The following TEAD1 variants were observed in gnomAD, a reference collection of about 807,000 sequenced individuals.
TEAD1 encodes transcriptional enhancer factor TEF-1.
Under a neutral mutation model 54.9 loss-of-function variants are expected in TEAD1, and 9 were observed. The ratio of observed to expected loss-of-function variants is 0.16; its 90% CI spans 0.10 to 0.29. The LOEUF (loss-of-function observed/expected upper bound fraction) is 0.29, where lower values mean the gene tolerates loss of function less well. Ranked by LOEUF, TEAD1 falls within the 10% of genes least tolerant of loss-of-function variation. The pLI, the probability that TEAD1 is intolerant of heterozygous loss-of-function variation, is 1.00. For synonymous variants in TEAD1, 200 were observed against 187.8 expected (o/e 1.07, Z -0.53); for missense variants, 387 against 535.9 (o/e 0.72, Z 2.74).
At chr11:12,918,318 T>A (rs181313069) in intron 10 of TEAD1, among the ~76,000 whole-genome samples, 1 of 149,808 alleles carries the variant, frequency 6.7e-6, no homozygotes, top group East Asian at 1.9e-4. Context: ...ATTATATATA[T>A]ATAAAATTAT....
chr11:12,893,110 C>T (rs1948231979), intron 9 of TEAD1, among the ~76,000 whole-genome samples: 1 of 152,236 alleles, frequency 6.6e-6, no homozygotes. Context: ...ACCCAGGTGT[C>T]ATTAATGTTC....
intron 3 of TEAD1, among the ~76,000 whole-genome samples, chr11:12,850,001 A>T (rs1028033572): frequency 2.0e-5 from 3 of 152,246 alleles, no homozygotes; most frequent in African/African-American, 7.2e-5. Context: ...CAACATTAGC[A>T]ATAGAAGCAT....
intron 2 of TEAD1, among the ~76,000 whole-genome samples, chr11:12,702,806 A>G (rs1386071517): frequency 6.6e-6 from 1 of 152,128 alleles, no homozygotes; most frequent in Non-Finnish European, 1.5e-5. Flanking sequence ...CATCATCATC[A>G]CCATCATTAT....
intron 3 of TEAD1, among the ~76,000 whole-genome samples, chr11:12,846,480 C>T (rs1210800187): frequency 6.6e-6 from 1 of 152,096 alleles, no homozygotes; most frequent in African/African-American, 2.4e-5. Context: ...GGGCCCGAGC[C>T]ACATAAGTAG....
rs575073476 is a variant in TEAD1 at position 12,871,628 on chromosome 11, C to A, written c.330+6728C>A. On this transcript the variant is annotated intron_variant, in intron 5 of 12. Transcript: ENST00000527636. ...CCCCATTAGCAGCAAAAAGGCAGTC[C>A]TTTCTTGCTGTTTTCAGAAGCTCAC... Among the ~76,000 whole-genome samples the A allele has an allele frequency of 2.0e-5, 3 of 152,196 alleles. No homozygotes were observed. The South Asian group carries it at 6.2e-4, about 32-fold the overall frequency.
At chr11:12,812,746 G>A (rs1441885844) in intron 3 of TEAD1, among the ~76,000 whole-genome samples, 1 of 152,182 alleles carries the variant, frequency 6.6e-6, no homozygotes, top group African/African-American at 2.4e-5. Context: ...ATCAGGCCAT[G>A]CATCTTCACC....
intron 10 of TEAD1, among the ~76,000 whole-genome samples, chr11:12,907,432 C>G (rs1948540274): frequency 6.6e-6 from 1 of 152,218 alleles, no homozygotes; most frequent in Non-Finnish European, 1.5e-5. Context: ...TACAGAGACT[C>G]TGCATTTTGC....
At chr11:12,742,947 G>T (rs1944675410) in intron 2 of TEAD1, among the ~76,000 whole-genome samples, 1 of 152,154 alleles carries the variant, frequency 6.6e-6, no homozygotes, top group Non-Finnish European at 1.5e-5. Context: ...GATGTGGGAG[G>T]GTATTGTCTT....
At chr11:12,883,829 T>C (rs1048428577) in intron 9 of TEAD1, among the ~76,000 whole-genome samples, 6 of 152,014 alleles carry the variant, frequency 3.9e-5, no homozygotes, top group African/African-American at 7.3e-5. Flanking sequence ...TTGGCCAACA[T>C]GGTGAAACCC....
At chr11:12,675,752 A>G (rs1590041235) in intron 2 of TEAD1, among the ~76,000 whole-genome samples, 191 bp downstream of exon 2, 1 of 152,262 alleles carries the variant, frequency 6.6e-6, no homozygotes, top group South Asian at 2.1e-4. Flanking sequence ...TTGTATTTTT[A>G]AAAAATCAAA....
intron 2 of TEAD1, among the ~76,000 whole-genome samples, chr11:12,761,330 TG>T (rs2133921774): frequency 6.6e-6 from 1 of 152,314 alleles, no homozygotes; most frequent in Admixed American, 6.5e-5. Context: ...GAATATTCTT[TG>T]GAACTTCCCA....
intron 10 of TEAD1, among the ~76,000 whole-genome samples, chr11:12,917,706 G>A (rs1564989890): frequency 2.0e-5 from 3 of 152,178 alleles, no homozygotes; most frequent in Non-Finnish European, 4.4e-5. Context: ...TTCTGCTTTT[G>A]GAGGTAGGAG....
intron 10 of TEAD1, among the ~76,000 whole-genome samples, chr11:12,921,687 A>G (rs1589991763): frequency 6.6e-6 from 1 of 152,202 alleles, no homozygotes; most frequent in Admixed American, 6.5e-5. Flanking sequence ...GCAGTTCTTG[A>G]AGGTAACACT....
intron 11 of TEAD1, among the ~76,000 whole-genome samples, chr11:12,927,555 A>G (rs1364820586): frequency 6.6e-6 from 1 of 152,182 alleles, no homozygotes; most frequent in African/African-American, 2.4e-5. Context: ...TAATTCAATC[A>G]CTTAAACATA....
chr11:12,739,236 C>CAG (rs1944601270), intron 2 of TEAD1, among the ~76,000 whole-genome samples: 1 of 151,244 alleles, frequency 6.6e-6, no homozygotes, highest in Non-Finnish European at 1.5e-5. Context: ...ATCTATCTAT[C>CAG]TATCTATCAG....
In TEAD1 at chr11:12,725,091, GT is replaced by G. The variant is rs1326865092; in HGVS notation, c.-54-39085del. ...CTGTTGATATGCCTCAGAAGAAATA[GT>G]TTACACAGTAACTAAAGTTGGTTTG... On this transcript the variant is annotated intron_variant, in intron 2 of 12. Transcript: ENST00000527636. Among the ~76,000 whole-genome samples, 6 of 152,284 alleles carry G rather than the reference GT, an allele frequency of 3.9e-5. No individual in the cohort carries two copies. The South Asian group carries it at 8.3e-4, about 21-fold the overall frequency.
intron 2 of TEAD1, among the ~76,000 whole-genome samples, chr11:12,675,808 C>T (rs1369300387): frequency 1.3e-5 from 2 of 152,208 alleles, no homozygotes; most frequent in Admixed American, 6.5e-5. Flanking sequence ...CACACCTCCC[C>T]TCTCATGAAA....
intron 9 of TEAD1, among the ~76,000 whole-genome samples, chr11:12,899,543 G>A (rs1948384407): frequency 6.6e-6 from 1 of 152,136 alleles, no homozygotes; most frequent in South Asian, 2.1e-4. Context: ...AAAGCTCAAA[G>A]ATGTTCCCTC....
In TEAD1 at chr11:12,924,989, T is replaced by C. The variant is rs1948881809; in HGVS notation, c.951T>C (p.Asn317=). ...CCAGTCAGTACGAGAGTTCTGAAAA[T>C]ATGACAGTCACCTGTTCCACCAAAG... is the stretch of plus-strand genomic sequence containing the variant. The change falls in exon 11 of 13, where the codon AAT becomes AAC. Residue 317 remains asparagine, a synonymous_variant. Coordinates refer to ENST00000527636, the MANE Select transcript of TEAD1 (RefSeq NM_021961.6). 2.5e-6 allele frequency: 4 copies of C among 1,614,116 alleles called. No individual in the cohort carries two copies. The highest frequency in any genetic ancestry group is 1.3e-5 in the African/African-American group (1 of 75,038).
Sources: allele counts gnomAD v4.1 joint callset (sites outside exome capture counted in the v4.1 genomes callset), GRCh38; gene constraint gnomAD v4.1.1; transcripts MANE v1.5; gene names NCBI Gene and HGNC (gene_info 2026-07-23, HGNC 2026-07-21).